KDM3B: variants seen among roughly 807,000 people sequenced by gnomAD.
KDM3B encodes the protein lysine demethylase 3B.
In KDM3B, 10 loss-of-function variants were observed where a neutral mutation model predicts 170.0. That is an observed-to-expected ratio of 0.06 (90% CI 0.04 to 0.10). The LOEUF (loss-of-function observed/expected upper bound fraction) is 0.10. Among genes scored for constraint, KDM3B ranks in the 10% least tolerant of loss-of-function variants. KDM3B has a pLI of 1.00. For synonymous variants in KDM3B, 831 were observed against 834.8 expected (o/e 1.00, Z 0.08); for missense variants, 1,394 against 2,195.2 (o/e 0.64, Z 7.29).
chr5:138,403,345 A>G (rs1168882372), intron 11 of KDM3B, among the ~76,000 whole-genome samples: 2 of 151,738 alleles, frequency 1.3e-5, no homozygotes, highest in Non-Finnish European at 2.9e-5. Context: ...ATAATCAATC[A>G]ATAGGAAAAA....
At chr5:138,355,978 C>G (rs1222832772) in intron 1 of KDM3B, among the ~76,000 whole-genome samples, 1 of 152,232 alleles carries the variant, frequency 6.6e-6, no homozygotes, top group Non-Finnish European at 1.5e-5. Flanking sequence ...TGGTGTCCTA[C>G]TGCACAATAT....
At chr5:138,360,180 A>T (rs1761560375) in intron 1 of KDM3B, among the ~76,000 whole-genome samples, 1 of 152,184 alleles carries the variant, frequency 6.6e-6, no homozygotes, top group African/African-American at 2.4e-5. Flanking sequence ...TTTCAGCCCT[A>T]GTTGAAATGG....
chr5:138,369,098 A>G (rs979548680), intron 1 of KDM3B, among the ~76,000 whole-genome samples: 2 of 152,014 alleles, frequency 1.3e-5, no homozygotes, highest in Non-Finnish European at 2.9e-5. Flanking sequence ...CTAGCCATAC[A>G]CCATGGCACC....
At chr5:138,354,133 T>TA (rs1220786657) in intron 1 of KDM3B, among the ~76,000 whole-genome samples, 1 of 152,206 alleles carries the variant, frequency 6.6e-6, no homozygotes, top group East Asian at 1.9e-4. Context: ...TCAACGGTGT[T>TA]AGACTGTCCT....
At chr5:138,430,159 A>C in intron 21 of KDM3B, 90 bp from the exon 22 acceptor site, 1 of 1,457,594 alleles carries the variant, frequency 6.9e-7, no homozygotes, top group Non-Finnish European at 9.3e-7. Flanking sequence ...TGCCATCCCC[A>C]CCCCATCTTA....
chr5:138,418,821 A>G, intron 13 of KDM3B, 132 bp from the exon 14 acceptor site: 3 of 860,928 alleles, frequency 3.5e-6, no homozygotes, highest in Non-Finnish European at 5.6e-6. Flanking sequence ...GTTGAATTAA[A>G]TAATGTATGA....
At chr5:138,353,029 G>C in intron 1 of KDM3B, 42 bp downstream of exon 1, 1 of 1,209,194 alleles carries the variant, frequency 8.3e-7, no homozygotes, top group Non-Finnish European at 1.0e-6. Context: ...CGGGGCTGCG[G>C]GGCCTGCGGG....
At position 138,427,960 on chromosome 5, in the gene KDM3B, C is replaced by A. The variant is rs746407841; in HGVS notation, c.4634-7C>A. The stretch of plus-strand genomic sequence containing the variant: ...CTTCACCTTGCATATTTTCCTTTCT[C>A]CTTTAGGGTTGATAACAGCAGAAGA... On this transcript the variant is annotated splice_region_variant and splice_polypyrimidine_tract_variant and intron_variant, in intron 19 of 23. Coordinates refer to ENST00000314358, the MANE Select transcript of KDM3B (RefSeq NM_016604.4). 6.2e-7 allele frequency: 1 copy of A among 1,611,396 alleles called. No individual in the cohort carries two copies. The highest frequency in any genetic ancestry group is 1.7e-5 in the Admixed American group (1 of 59,548).
intron 11 of KDM3B, among the ~76,000 whole-genome samples, chr5:138,407,014 C>T (rs1762841150): frequency 7.9e-6 from 1 of 126,980 alleles, no homozygotes; most frequent in Non-Finnish European, 1.6e-5. Flanking sequence ...GAGACAGCGT[C>T]TATCTCTGTC....
At chr5:138,393,861 C>T (rs749690522) in intron 9 of KDM3B, among the ~76,000 whole-genome samples, 3 of 152,016 alleles carry the variant, frequency 2.0e-5, no homozygotes, top group Non-Finnish European at 2.9e-5. Flanking sequence ...TCTTTAGTTA[C>T]TTTTCTTCTG....
chr5:138,363,386 A>C (rs371550694), intron 1 of KDM3B, among the ~76,000 whole-genome samples: 1 of 151,978 alleles, frequency 6.6e-6, no homozygotes, highest in East Asian at 1.9e-4. Flanking sequence ...TTTCATCTTG[A>C]TATTGGAGTC....
intron 19 of KDM3B, 106 bp downstream of exon 19, chr5:138,427,425 A>G (rs1763425667): frequency 7.7e-7 from 1 of 1,296,716 alleles, no homozygotes; most frequent in African/African-American, 1.5e-5. Flanking sequence ...ATTGCAGGCA[A>G]GTGCTGGAGA....
At chr5:138,376,352 G>A (rs936364454) in intron 3 of KDM3B, among the ~76,000 whole-genome samples, 1 of 151,998 alleles carries the variant, frequency 6.6e-6, no homozygotes, top group Non-Finnish European at 1.5e-5. Flanking sequence ...CTTCTACACA[G>A]CCCCACCCTA....
rs1033536729 is a variant in KDM3B at position 138,414,606 on chromosome 5, G to T, written c.3200-526G>T. Among the ~76,000 whole-genome samples the T allele has an allele frequency of 3.9e-5, 6 of 152,296 alleles. No individual in the cohort carries two copies. In the East Asian group the frequency reaches 1.2e-3, roughly 29 times the overall value. On this transcript the variant is annotated intron_variant, in intron 11 of 23. Coordinates refer to ENST00000314358, the MANE Select transcript of KDM3B (RefSeq NM_016604.4). ...CATGATTGTGGTAGTTGTTCATTCAGTTTCTCTAAACTCACTGAAGTAAAC... is the reference window on the plus strand; with the variant it reads ...CATGATTGTGGTAGTTGTTCATTCATTTTCTCTAAACTCACTGAAGTAAAC...
chr5:138,417,811 T>C, intron 13 of KDM3B: 1 of 514,868 alleles, frequency 1.9e-6, no homozygotes, highest in South Asian at 2.6e-5. Flanking sequence ...TCTCTTCATC[T>C]TTAAACCAGT....
chr5:138,384,464 G>T (rs1762204723), intron 6 of KDM3B, among the ~76,000 whole-genome samples: 1 of 151,968 alleles, frequency 6.6e-6, no homozygotes, highest in African/African-American at 2.4e-5. Flanking sequence ...TAGGCCAGGT[G>T]CAGTGGCTCA....
intron 9 of KDM3B, among the ~76,000 whole-genome samples, chr5:138,396,231 G>A (rs1762542750): frequency 6.6e-6 from 1 of 152,152 alleles, no homozygotes; most frequent in South Asian, 2.1e-4. Flanking sequence ...GAGTAGCTGG[G>A]ACTACAGGTG....
chr5:138,429,725 G>T, intron 20 of KDM3B, 101 bp from the exon 21 acceptor site: 1 of 1,282,530 alleles, frequency 7.8e-7, no homozygotes, highest in Non-Finnish European at 1.1e-6. Context: ...TTCCAGAGAT[G>T]GAGAAGAGTA....
intron 9 of KDM3B, chr5:138,397,947 G>T: frequency 2.4e-6 from 1 of 418,444 alleles, no homozygotes; most frequent in South Asian, 4.1e-5. Context: ...ACAGGTGAAT[G>T]GAAAAACTAA....
Sources: allele counts gnomAD v4.1 joint callset (sites outside exome capture counted in the v4.1 genomes callset), GRCh38; gene constraint gnomAD v4.1.1; transcripts MANE v1.5; gene names NCBI Gene and HGNC (gene_info 2026-07-23, HGNC 2026-07-21).